ABCA13: variants seen among roughly 807,000 people sequenced by gnomAD.
The protein encoded by ABCA13 is ATP binding cassette subfamily A member 13.
A neutral mutation model predicts 478.7 loss-of-function variants in ABCA13; 476 were observed. The observed-to-expected ratio is 0.99, with a 90% CI of 0.92 to 1.07. ABCA13 has a LOEUF of 1.07. ABCA13 is among the 50% of genes least tolerant of loss of function. The probability of loss-of-function intolerance (pLI) is 0.00; values close to 1 mark genes in which losing one functional copy is unlikely to be tolerated. For missense variants in ABCA13, 6,060 were observed against 5,910.6 expected (o/e 1.03, Z -0.83); for synonymous variants, 2,252 against 2,158.9 (o/e 1.04, Z -1.20).
chr7:48,290,949 A>AG (rs1298614497), intron 20 of ABCA13, among the ~76,000 whole-genome samples: 1 of 150,482 alleles, frequency 6.6e-6, no homozygotes, highest in East Asian at 1.9e-4. Context: ...GGAAAAAAAA[A>AG]AAAAAAAAAA....
rs149612618 is a variant in ABCA13, at chr7:48,368,076, A to G, written c.10803+168A>G. Among the ~76,000 whole-genome samples, 12 of 152,238 alleles carry G rather than the reference A, an allele frequency of 7.9e-5. No individual in the cohort carries two copies. The East Asian group carries it at 2.3e-3, about 29-fold the overall frequency. On this transcript the variant is annotated intron_variant, in intron 32 of 61. Coordinates refer to ENST00000435803, the MANE Select transcript of ABCA13 (RefSeq NM_152701.5). ...GTCCCTGTTCCAGAAAGAAGATTTTATGTTGAAGTCTGAAGCAATGCCAGA... is the reference window on the plus strand; with the variant it reads ...GTCCCTGTTCCAGAAAGAAGATTTTGTGTTGAAGTCTGAAGCAATGCCAGA...
chr7:48,381,674 G>C (rs375539109), intron 35 of ABCA13, among the ~76,000 whole-genome samples: 2 of 152,082 alleles, frequency 1.3e-5, no homozygotes, highest in Non-Finnish European at 2.9e-5. Flanking sequence ...GATTCTGCTC[G>C]ATCTGTCTAA....
intron 38 of ABCA13, among the ~76,000 whole-genome samples, chr7:48,401,594 A>T: frequency 6.6e-6 from 1 of 152,132 alleles, no homozygotes; most frequent in Non-Finnish European, 1.5e-5. Flanking sequence ...CCCTACCTTT[A>T]TACCCAATAT....
chr7:48,489,310 G>A lies in ABCA13; in HGVS notation c.13257G>A (p.Gln4419=). 1.2e-6 allele frequency: 2 copies of A among 1,612,170 alleles called. No individual in the cohort carries two copies. Among genetic ancestry groups the A allele is most frequent in the Non-Finnish European group, 8.5e-7 (1 of 1,178,700 alleles). The change falls in exon 48 of 62, where the codon CAG becomes CAA. Residue 4419 remains glutamine (Q), a synonymous_variant. Transcript: ENST00000435803. ...ATCTAAACAACCTTATTTTGTGGCA[G>A]CACCTACCCCCTACTGTGGACTGGA... The part of the protein sequence containing the change: ...LNHLNNLILW[Q]HLPPTVDWRQ...
At chr7:48,631,804 T>A (rs1579097) in intron 59 of ABCA13, among the ~76,000 whole-genome samples, 132 of 152,326 alleles carry the variant, frequency 8.7e-4, no homozygotes, top group African/African-American at 3.1e-3. Flanking sequence ...TCCATAAGCA[T>A]GGGATGTATT....
intron 16 of ABCA13, among the ~76,000 whole-genome samples, chr7:48,271,351 TG>T (rs1247462013): frequency 6.7e-6 from 1 of 149,160 alleles, no homozygotes; most frequent in Non-Finnish European, 1.5e-5. Context: ...CACTGGAATT[TG>T]CCTTCCAGGA....
intron 29 of ABCA13, among the ~76,000 whole-genome samples, chr7:48,342,209 A>G (rs1336804977): frequency 6.6e-6 from 1 of 151,980 alleles, no homozygotes; most frequent in Admixed American, 6.6e-5. Flanking sequence ...ATACGATTTC[A>G]TTTGCTTAAC....
At chr7:48,506,524 AC>A in intron 49 of ABCA13, 134 bp downstream of exon 49, 10 of 967,454 alleles carry the variant, frequency 1.0e-5, no homozygotes, top group Non-Finnish European at 1.6e-5. Flanking sequence ...GGAAATGCCC[AC>A]AGGACTTGGG....
chr7:48,594,577 C>A, intron 57 of ABCA13, 133 bp from the exon 58 acceptor site: 2 of 734,840 alleles, frequency 2.7e-6, no homozygotes, highest in East Asian at 2.7e-5. Flanking sequence ...TGCAACAAAG[C>A]CAATTGGAGA....
Position 48,239,202 on chromosome 7 carries a change from G to A in ABCA13, c.898-39G>A, listed in dbSNP as rs565281133. 35 of 1,606,470 alleles carry A rather than the reference G, an allele frequency of 2.2e-5. No individual in the cohort carries two copies. The East Asian group carries it at 7.8e-4, about 36-fold the overall frequency. On this transcript the variant is annotated intron_variant, in intron 8 of 61. Transcript: ENST00000435803. ...TTTAGAAGAGGAAGGTTCTAGGAAA[G>A]GAGCTTTATGTCTAAATATTTTTTC...
chr7:48,298,588 C>A, intron 23 of ABCA13, 101 bp downstream of exon 23: 1 of 1,399,968 alleles, frequency 7.1e-7, no homozygotes, highest in South Asian at 1.6e-5. Context: ...GCCTTCCTCT[C>A]CTTTGGCTAG....
In ABCA13 at chr7:48,279,151, A is replaced by T; in HGVS notation, c.7957A>T (p.Arg2653Trp). The change falls in exon 18 of 62, where the codon AGG (arginine) becomes TGG (tryptophan). Residue 2653 changes from arginine to tryptophan, a missense_variant. By Grantham distance (101) the Arg-to-Trp change is moderately radical (BLOSUM62 -3). Transcript: ENST00000435803. ...TSVKMNLEDM[R>W]SLAVAFNNET... Reference sequence around the variant, plus strand: ...TGTGAAAATGAACTTGGAAGATATGAGGAGTCTTGCGGTAGCATTTAACAA... The same window carrying T: ...TGTGAAAATGAACTTGGAAGATATGTGGAGTCTTGCGGTAGCATTTAACAA... 1 of 1,605,810 alleles carries T rather than the reference A, an allele frequency of 6.2e-7. No individual in the cohort carries two copies. Among genetic ancestry groups the T allele is most frequent in the Non-Finnish European group, 8.5e-7 (1 of 1,176,392 alleles).
At chr7:48,394,406 G>A (rs1563180315) in intron 38 of ABCA13, among the ~76,000 whole-genome samples, 1 of 152,158 alleles carries the variant, frequency 6.6e-6, no homozygotes, top group Admixed American at 6.5e-5. Context: ...TCCGTGTGTA[G>A]CCTGCCTCAC....
chr7:48,348,214 G>T (rs1808401476), intron 29 of ABCA13, among the ~76,000 whole-genome samples: 1 of 152,172 alleles, frequency 6.6e-6, no homozygotes, highest in Non-Finnish European at 1.5e-5. Context: ...TCACTGGTGG[G>T]CCTTACAGTG....
At chr7:48,623,619 G>T (rs1442310290) in intron 59 of ABCA13, among the ~76,000 whole-genome samples, 1 of 152,198 alleles carries the variant, frequency 6.6e-6, no homozygotes, top group Non-Finnish European at 1.5e-5. Context: ...CAAAGTGGCT[G>T]CTGTAGCTCC....
At chr7:48,380,449 A>C (rs1240002135) in intron 35 of ABCA13, among the ~76,000 whole-genome samples, 1 of 152,232 alleles carries the variant, frequency 6.6e-6, no homozygotes, top group African/African-American at 2.4e-5. Context: ...TTTAAAAAAT[A>C]ATCTTCCACT....
At chr7:48,508,960 C>T (rs1831446978) in intron 50 of ABCA13, among the ~76,000 whole-genome samples, 1 of 152,182 alleles carries the variant, frequency 6.6e-6, no homozygotes, top group South Asian at 2.1e-4. Context: ...ATCGGGGTCA[C>T]ACCTAAGTTA....
intron 3 of ABCA13, among the ~76,000 whole-genome samples, chr7:48,206,637 TAA>T (rs1379783699): frequency 3.3e-5 from 5 of 152,206 alleles, no homozygotes; most frequent in African/African-American, 4.8e-5. Context: ...ATATATATTT[TAA>T]AAGTCTTTAT....
At chr7:48,604,344 T>G (rs1487514975) in intron 58 of ABCA13, among the ~76,000 whole-genome samples, 2 of 152,218 alleles carry the variant, frequency 1.3e-5, no homozygotes, top group Non-Finnish European at 2.9e-5. Flanking sequence ...TTTAGATCTT[T>G]CCAGCTTTCT....
Sources: gnomAD v4.1 joint callset for allele counts (sites outside exome capture counted in the v4.1 genomes callset) on GRCh38, gnomAD v4.1.1 for gene constraint, MANE v1.5 for transcripts, NCBI Gene and HGNC (gene_info 2026-07-23, HGNC 2026-07-21) for gene names.